TEX29: variants seen among roughly 807,000 people sequenced by gnomAD.
TEX29 encodes testis expressed 29.
TEX29 carries 26 observed loss-of-function variants against 18.2 expected under a neutral mutation model. The observed-to-expected ratio is 1.43, with a 90% CI of 1.04 to 1.98. The LOEUF is 1.98. Ranked by LOEUF, TEX29 falls within the 30% of genes most tolerant of loss-of-function variation. The pLI is 0.00. For missense variants in TEX29, 177 were observed against 194.2 expected (o/e 0.91, Z 0.53); for synonymous variants, 83 against 78.5 (o/e 1.06, Z -0.31).
At chr13:111,331,083 T>A (rs764352191) in intron 3 of TEX29, among the ~76,000 whole-genome samples, 85 of 152,220 alleles carry the variant, frequency 5.6e-4, no homozygotes, top group Non-Finnish European at 1.0e-3. Context: ...AATTGCTGGA[T>A]CATATGTTAA....
chr13:111,328,099 C>T (rs755037273), intron 2 of TEX29, 84 bp from the exon 3 acceptor site: 2 of 864,854 alleles, frequency 2.3e-6, no homozygotes, highest in Non-Finnish European at 3.9e-6. Context: ...AGCTGCTCCC[C>T]ACACCGGTTC....
chr13:111,335,372 G>T (rs940492390), intron 3 of TEX29, among the ~76,000 whole-genome samples: 7 of 152,230 alleles, frequency 4.6e-5, no homozygotes, highest in African/African-American at 1.7e-4. Context: ...AGGCCTTCCA[G>T]TGTTGAACGG....
intron 2 of TEX29, among the ~76,000 whole-genome samples, chr13:111,327,931 T>C (rs1023233335): frequency 3.9e-5 from 6 of 152,382 alleles, no homozygotes; most frequent in Admixed American, 1.3e-4. Context: ...TGCGCGGAAA[T>C]GTATTATCTC....
intron 3 of TEX29, among the ~76,000 whole-genome samples, chr13:111,333,247 A>G (rs2093685147): frequency 6.6e-6 from 1 of 152,188 alleles, no homozygotes; most frequent in African/African-American, 2.4e-5. Context: ...TCTTGGATGT[A>G]TAGATTAATG....
At position 111,320,854 on chromosome 13, in the gene TEX29, C is replaced by T. The variant is rs866795148; in HGVS notation, c.-34-3C>T. 1.1e-5 allele frequency: 17 copies of T among 1,613,480 alleles called. No individual in the cohort carries two copies. The Middle Eastern group carries it at 2.3e-3, about 219-fold the overall frequency. ...GCCCGTGCTGACCTCTCCTGTTTTC[C>T]AGGTGTGCTCGGCCCCTTCATCTGT... On this transcript the variant is annotated splice_region_variant and splice_polypyrimidine_tract_variant and intron_variant, in intron 1 of 5. Coordinates refer to ENST00000283547, the MANE Select transcript of TEX29 (RefSeq NM_152324.3).
At chr13:111,336,780 A>G (rs1342476820) in intron 3 of TEX29, among the ~76,000 whole-genome samples, 1 of 152,228 alleles carries the variant, frequency 6.6e-6, no homozygotes, top group Non-Finnish European at 1.5e-5. Context: ...TGATAAGCCA[A>G]AGATATGGTC....
chr13:111,335,574 C>T (rs77926320), intron 3 of TEX29, among the ~76,000 whole-genome samples: 2,188 of 152,332 alleles, frequency 0.014, 12 homozygotes, highest in Middle Eastern at 0.054. Context: ...CAGATGCTCA[C>T]AGTCGTGCTC....
chr13:111,330,965 G>A (rs1300928422), intron 3 of TEX29, among the ~76,000 whole-genome samples: 1 of 152,148 alleles, frequency 6.6e-6, no homozygotes. Flanking sequence ...TAGACATGTG[G>A]GTTGTTTCCA....
At chr13:111,318,246 C>CG (rs1283496177), upstream of TEX29, among the ~76,000 whole-genome samples, 2 of 152,102 alleles carry the variant, frequency 1.3e-5, no homozygotes, top group Admixed American at 6.5e-5. Flanking sequence ...TCAGAGGTAA[C>CG]GGGTCCCCGT....
At chr13:111,319,823 C>G (rs545554195), upstream of TEX29, among the ~76,000 whole-genome samples, 82 of 152,328 alleles carry the variant, frequency 5.4e-4, no homozygotes, top group Admixed American at 1.2e-3. Flanking sequence ...TGAAAAGTAG[C>G]AGCCCCCTCC....
At chr13:111,320,363 C>G (rs1196098572), upstream of TEX29, among the ~76,000 whole-genome samples, 1 of 152,240 alleles carries the variant, frequency 6.6e-6, no homozygotes, top group Non-Finnish European at 1.5e-5. Flanking sequence ...AAGGGAGGGA[C>G]AGGACTCAAG....
rs2253707 is a variant in TEX29 at position 111,339,941 on chromosome 13, C to T, written c.239+9C>T. The T allele has an allele frequency of 0.15, 234,814 of 1,582,434 alleles. 23,955 individuals carry two copies. Among genetic ancestry groups the T allele is most frequent in the African/African-American group, 0.48 (35,285 of 73,852 alleles). ...ATCACCATCATCTACAGGTCGGTCC[C>T]TTTGTTCTTTACTGGGAGGGTGGGG... On this transcript the variant is annotated intron_variant, in intron 4 of 5. Coordinates refer to ENST00000283547, the MANE Select transcript of TEX29 (RefSeq NM_152324.3).
At chr13:111,342,678 C>T (rs1305505814) in intron 4 of TEX29, 78 bp from the exon 5 acceptor site, 16 of 1,434,800 alleles carry the variant, frequency 1.1e-5, no homozygotes, top group Non-Finnish European at 1.5e-5. Context: ...GAGGGATGTC[C>T]TGGTGGGTGG....
chr13:111,330,012 G>A (rs1365644534), intron 3 of TEX29, among the ~76,000 whole-genome samples: 2 of 152,006 alleles, frequency 1.3e-5, no homozygotes, highest in Non-Finnish European at 2.9e-5. Context: ...GTGAGAAAGG[G>A]AGACCATGGT....
chr13:111,323,368 T>C (rs879502668), intron 2 of TEX29, among the ~76,000 whole-genome samples: 7 of 152,224 alleles, frequency 4.6e-5, no homozygotes, highest in African/African-American at 1.7e-4. Context: ...GTGGGGCCAC[T>C]CAGCCCTGGC....
chr13:111,328,138 CTT>C lies in TEX29; in HGVS notation c.59-43_59-42del, dbSNP rs774368737. On this transcript the variant is annotated intron_variant, in intron 2 of 5. Transcript: ENST00000283547. ...GGTTCTTTAGCGGAGAGCAGAGTGG[CTT>C]TGTTTTCGGGGGTGACACTTGTGTA... 4.5e-6 allele frequency: 6 copies of C among 1,323,974 alleles called. No homozygotes were observed. The South Asian group carries it at 7.1e-5, about 16-fold the overall frequency. 82.0% of individuals were successfully genotyped at this position (1,323,974 alleles called of 1,614,324 possible).
upstream of TEX29, among the ~76,000 whole-genome samples, chr13:111,318,396 C>T (rs923495154): frequency 2.0e-5 from 3 of 152,212 alleles, no homozygotes; most frequent in Admixed American, 6.5e-5. Flanking sequence ...CACGTGGGAA[C>T]GGGACTCAGG....
chr13:111,337,786 G>A (rs1438285857), intron 3 of TEX29, among the ~76,000 whole-genome samples: 1 of 152,120 alleles, frequency 6.6e-6, no homozygotes, highest in African/African-American at 2.4e-5. Flanking sequence ...GTTTCCCAGT[G>A]TGCTCCTCGG....
At chr13:111,321,954 A>G (rs776085014) in intron 2 of TEX29, among the ~76,000 whole-genome samples, 3 of 152,244 alleles carry the variant, frequency 2.0e-5, no homozygotes, top group Non-Finnish European at 2.9e-5. Context: ...AATGGAAGAA[A>G]AAGAAAACAA....
Sources: allele counts gnomAD v4.1 joint callset (sites outside exome capture counted in the v4.1 genomes callset), GRCh38; gene constraint gnomAD v4.1.1; transcripts MANE v1.5; gene names NCBI Gene and HGNC (gene_info 2026-07-23, HGNC 2026-07-21).